SDK1: variants seen among roughly 807,000 people sequenced by gnomAD.
The protein encoded by SDK1 is sidekick cell adhesion molecule 1.
A neutral mutation model predicts 245.5 loss-of-function variants in SDK1; 157 were observed. The observed-to-expected ratio is 0.64, with a 90% CI of 0.56 to 0.73. The LOEUF (loss-of-function observed/expected upper bound fraction) is 0.73, where lower values mean the gene tolerates loss of function less well. SDK1 is among the 30% of genes least tolerant of loss of function. SDK1 has a pLI of 0.00. For missense variants in SDK1, 3,583 were observed against 3,002.3 expected, an observed-to-expected ratio of 1.19 and a Z score of -4.52; for synonymous variants, 1,647 against 1,278.5, an observed-to-expected ratio of 1.29 and a Z score of -6.15.
chr7:4,186,543 G>T (rs116915110), intron 35 of SDK1, among the ~76,000 whole-genome samples: 1 of 152,124 alleles, frequency 6.6e-6, no homozygotes, highest in Admixed American at 6.5e-5. Flanking sequence ...GAGCCGGCTC[G>T]CCTTCCCCAC....
At chr7:4,144,550 G>A (rs1349789959) in intron 28 of SDK1, among the ~76,000 whole-genome samples, 1 of 151,886 alleles carries the variant, frequency 6.6e-6, no homozygotes, top group Non-Finnish European at 1.5e-5. Context: ...CCCAGATGGC[G>A]GGCTGGGGAG....
intron 1 of SDK1, among the ~76,000 whole-genome samples, chr7:3,579,222 A>G (rs527887632): frequency 6.7e-6 from 1 of 150,086 alleles, no homozygotes; most frequent in Non-Finnish European, 1.5e-5. Flanking sequence ...CCTGGCAGAG[A>G]TGCAGAAAAA....
chr7:3,517,829 A>G (rs1438075895), intron 1 of SDK1, among the ~76,000 whole-genome samples: 1 of 152,104 alleles, frequency 6.6e-6, no homozygotes, highest in Non-Finnish European at 1.5e-5. Flanking sequence ...CCATTTTAAT[A>G]CCTCACACTA....
intron 4 of SDK1, among the ~76,000 whole-genome samples, chr7:3,650,074 G>A (rs73039689): frequency 0.014 from 2,110 of 151,552 alleles, 44 homozygotes; most frequent in South Asian, 0.086. Flanking sequence ...AATAGAGATA[G>A]GGTCTCACTT....
intron 1 of SDK1, among the ~76,000 whole-genome samples, chr7:3,465,532 C>T (rs1447532592): frequency 6.6e-6 from 1 of 152,118 alleles, no homozygotes; most frequent in African/African-American, 2.4e-5. Context: ...CCTTTTCTTC[C>T]TTGAATGGCT....
intron 1 of SDK1, among the ~76,000 whole-genome samples, chr7:3,547,586 T>C (rs2128622157): frequency 6.6e-6 from 1 of 152,344 alleles, no homozygotes; most frequent in African/African-American, 2.4e-5. Flanking sequence ...AAAAAAGGAA[T>C]CCTCATTCAT....
chr7:3,546,501 T>C (rs2128621884), intron 1 of SDK1, among the ~76,000 whole-genome samples: 1 of 152,346 alleles, frequency 6.6e-6, no homozygotes, highest in South Asian at 2.1e-4. Flanking sequence ...ACACTTGTTT[T>C]ACATTCAGAG....
chr7:3,856,480 T>TA (rs1459378422), intron 5 of SDK1, among the ~76,000 whole-genome samples: 7 of 61,456 alleles, frequency 1.1e-4, no homozygotes, highest in African/African-American at 5.4e-4. Context: ...TCAGGTAATG[T>TA]TAAAAAAAAA....
chr7:3,491,553 C>T (rs555534205), intron 1 of SDK1, among the ~76,000 whole-genome samples: 9 of 152,294 alleles, frequency 5.9e-5, no homozygotes, highest in Non-Finnish European at 8.8e-5. Flanking sequence ...CCATTGTGAT[C>T]GCAGTCTTCT....
chr7:3,987,394 CT>C, intron 14 of SDK1, 72 bp downstream of exon 14: 1 of 1,520,134 alleles, frequency 6.6e-7, no homozygotes, highest in Non-Finnish European at 9.1e-7. Context: ...TGTCCTTAAC[CT>C]TTACTTCTGG....
intron 1 of SDK1, among the ~76,000 whole-genome samples, chr7:3,358,212 G>T (rs937924658): frequency 1.3e-5 from 2 of 152,004 alleles, no homozygotes; most frequent in Non-Finnish European, 2.9e-5. Flanking sequence ...AGTAGAGGCA[G>T]GGTTTCACCA....
chr7:3,713,152 C>A (rs1240219441), intron 4 of SDK1, among the ~76,000 whole-genome samples: 1 of 152,170 alleles, frequency 6.6e-6, no homozygotes. Context: ...CCAGCACACC[C>A]CTGAGATAAG....
chr7:3,897,881 T>C (rs992595128), intron 5 of SDK1, among the ~76,000 whole-genome samples: 2 of 152,184 alleles, frequency 1.3e-5, no homozygotes, highest in Admixed American at 1.3e-4. Flanking sequence ...CCTTTTCTTA[T>C]CTTTTCTCTC....
At chr7:3,801,903 C>A (rs1046834471) in intron 4 of SDK1, among the ~76,000 whole-genome samples, 1 of 152,228 alleles carries the variant, frequency 6.6e-6, no homozygotes, top group African/African-American at 2.4e-5. Flanking sequence ...TGAGAACTCT[C>A]TGCTGACCAG....
chr7:3,819,998 T>G (rs1406634191), intron 4 of SDK1, among the ~76,000 whole-genome samples: 1 of 152,172 alleles, frequency 6.6e-6, no homozygotes, highest in Non-Finnish European at 1.5e-5. Flanking sequence ...GTACCACAAT[T>G]GTGGTGGGTA....
At chr7:4,015,324 T>A (rs181217137) in intron 16 of SDK1, among the ~76,000 whole-genome samples, 200 of 152,298 alleles carry the variant, frequency 1.3e-3, no homozygotes, top group African/African-American at 4.5e-3. Context: ...ACATGAGGAA[T>A]CCTTCTTAAA....
At chr7:3,661,333 T>C (rs775723102) in intron 4 of SDK1, among the ~76,000 whole-genome samples, 7 of 152,240 alleles carry the variant, frequency 4.6e-5, no homozygotes, top group Non-Finnish European at 8.8e-5. Flanking sequence ...GTAAGAATTT[T>C]GTCTATGGAA....
intron 17 of SDK1, among the ~76,000 whole-genome samples, chr7:4,046,047 G>A (rs2128164505): frequency 6.6e-6 from 1 of 151,620 alleles, no homozygotes; most frequent in East Asian, 1.9e-4. Flanking sequence ...TCCTGCCTCA[G>A]CCTCCCGAGT....
intron 4 of SDK1, among the ~76,000 whole-genome samples, chr7:3,645,841 G>A (rs866460620): frequency 6.6e-6 from 1 of 151,924 alleles, no homozygotes; most frequent in South Asian, 2.1e-4. Context: ...TGCAGGTGAA[G>A]TTTCTGCACC....
Sources: gnomAD v4.1 joint callset for allele counts (sites outside exome capture counted in the v4.1 genomes callset) on GRCh38, gnomAD v4.1.1 for gene constraint, MANE v1.5 for transcripts, NCBI Gene and HGNC (gene_info 2026-07-23, HGNC 2026-07-21) for gene names.